PCDH9: variants seen among roughly 807,000 people sequenced by gnomAD.
The protein encoded by PCDH9 is protocadherin 9.
PCDH9 carries 24 observed loss-of-function variants against 70.6 expected under a neutral mutation model. The observed-to-expected ratio is 0.34, with a 90% CI of 0.25 to 0.48. The LOEUF (loss-of-function observed/expected upper bound fraction) is 0.48. PCDH9 is among the 20% of genes least tolerant of loss of function. The probability of loss-of-function intolerance (pLI) is 0.99; values close to 1 mark genes in which losing one functional copy is unlikely to be tolerated. For synonymous variants in PCDH9, 562 were observed against 558.5 expected (o/e 1.01, Z -0.09); for missense variants, 1,281 against 1,503.6 (o/e 0.85, Z 2.45).
Position 67,140,015 on chromosome 13 carries a change from T to C in PCDH9, c.3036+85390A>G, listed in dbSNP as rs540144971. Among the ~76,000 whole-genome samples, 294 of 136,292 alleles carry C rather than the reference T, an allele frequency of 2.2e-3. 4 individuals are homozygous for C. The highest frequency in any genetic ancestry group is 3.0e-3 in the Non-Finnish European group (192 of 63,846). 89.4% of individuals were successfully genotyped at this position (136,292 alleles called of 152,430 possible). On this transcript the variant is annotated intron_variant, in intron 2 of 4. Transcript: ENST00000377865. ...TTCCCTTCTGCTACTGAAAATGTGA[T>C]TTTTTGATCACCCCCCCCCCCCCGC... is the stretch of plus-strand genomic sequence containing the variant.
chr13:66,755,425 A>G (rs1250755699), intron 3 of PCDH9, among the ~76,000 whole-genome samples: 2 of 152,162 alleles, frequency 1.3e-5, no homozygotes, highest in African/African-American at 4.8e-5. Context: ...TCGTTGAAAT[A>G]AAGCAGTGGC....
At chr13:66,765,253 C>A (rs747621756) in intron 3 of PCDH9, among the ~76,000 whole-genome samples, 2 of 151,912 alleles carry the variant, frequency 1.3e-5, no homozygotes, top group Admixed American at 6.6e-5. Flanking sequence ...GAATCCTGTA[C>A]AAAACTGGTG....
At chr13:66,764,265 C>G (rs1318805293) in intron 3 of PCDH9, among the ~76,000 whole-genome samples, 2 of 146,986 alleles carry the variant, frequency 1.4e-5, no homozygotes, top group Non-Finnish European at 3.0e-5. Context: ...AAAAAAAAAA[C>G]CGAAAACTTT....
At chr13:66,689,761 C>T (rs2078456247) in intron 3 of PCDH9, among the ~76,000 whole-genome samples, 2 of 152,078 alleles carry the variant, frequency 1.3e-5, no homozygotes, top group African/African-American at 4.8e-5. Flanking sequence ...GCTGAGGGCT[C>T]ATTCTTTATA....
chr13:66,681,519 T>C (rs1004256969), intron 3 of PCDH9, among the ~76,000 whole-genome samples: 1 of 152,102 alleles, frequency 6.6e-6, no homozygotes, highest in Non-Finnish European at 1.5e-5. Flanking sequence ...CTGTATTGTC[T>C]GAGCTATAAT....
intron 4 of PCDH9, among the ~76,000 whole-genome samples, chr13:66,496,398 A>G (rs1566370204): frequency 6.6e-6 from 1 of 152,130 alleles, no homozygotes; most frequent in African/African-American, 2.4e-5. Flanking sequence ...CTAAAGTTCC[A>G]TCCTTCCATT....
chr13:66,340,539 T>G (rs1377448850), intron 4 of PCDH9, among the ~76,000 whole-genome samples: 1 of 152,214 alleles, frequency 6.6e-6, no homozygotes, highest in African/African-American at 2.4e-5. Flanking sequence ...CAGTGACAGC[T>G]AAACCCTCTC....
At chr13:66,662,234 G>T (rs2078019668) in intron 3 of PCDH9, among the ~76,000 whole-genome samples, 1 of 151,840 alleles carries the variant, frequency 6.6e-6, no homozygotes, top group African/African-American at 2.4e-5. Flanking sequence ...GCACTTTGGG[G>T]GGCTGAGGCG....
chr13:66,684,610 G>T (rs1184238008), intron 3 of PCDH9, among the ~76,000 whole-genome samples: 1 of 152,090 alleles, frequency 6.6e-6, no homozygotes, highest in Non-Finnish European at 1.5e-5. Flanking sequence ...AGTAGGATGT[G>T]TTTGCCTTCC....
intron 3 of PCDH9, among the ~76,000 whole-genome samples, chr13:66,873,940 CTT>C (rs528441546): frequency 4.5e-5 from 5 of 111,132 alleles, no homozygotes; most frequent in South Asian, 3.0e-4. Context: ...TTCTTTCTTT[CTT>C]TTTTTTTTTT....
intron 3 of PCDH9, among the ~76,000 whole-genome samples, chr13:66,758,680 C>G (rs6562474): frequency 0.37 from 56,621 of 151,622 alleles, 10,839 homozygotes; most frequent in East Asian, 0.58. Context: ...TATATGAAAG[C>G]GTTTGAGAAT....
At chr13:66,603,807 A>G (rs1003797685) in intron 4 of PCDH9, among the ~76,000 whole-genome samples, 2 of 151,962 alleles carry the variant, frequency 1.3e-5, no homozygotes, top group African/African-American at 4.8e-5. Flanking sequence ...TTTGTTATGT[A>G]ATTATGCAGT....
At chr13:66,687,046 G>A (rs1057441415) in intron 3 of PCDH9, among the ~76,000 whole-genome samples, 1 of 152,070 alleles carries the variant, frequency 6.6e-6, no homozygotes, top group African/African-American at 2.4e-5. Flanking sequence ...ATAGTTTTGG[G>A]AACTGCAAAG....
intron 2 of PCDH9, among the ~76,000 whole-genome samples, chr13:67,016,607 G>A (rs1666622317): frequency 6.6e-6 from 1 of 152,108 alleles, no homozygotes; most frequent in Non-Finnish European, 1.5e-5. Flanking sequence ...TGAACTTCTT[G>A]AAAATGAGTT....
At chr13:66,998,833 T>C (rs555205045) in intron 2 of PCDH9, among the ~76,000 whole-genome samples, 7 of 152,324 alleles carry the variant, frequency 4.6e-5, no homozygotes, top group African/African-American at 1.7e-4. Flanking sequence ...TGTTCTTCAA[T>C]TCATTCTTTC....
At chr13:66,438,740 A>G (rs764469472) in intron 4 of PCDH9, among the ~76,000 whole-genome samples, 3 of 152,208 alleles carry the variant, frequency 2.0e-5, no homozygotes, top group Non-Finnish European at 4.4e-5. Flanking sequence ...GGTCTAAAAT[A>G]TAGAAAATGA....
At chr13:67,130,517 T>G (rs2087086561) in intron 2 of PCDH9, among the ~76,000 whole-genome samples, 1 of 150,124 alleles carries the variant, frequency 6.7e-6, no homozygotes, top group African/African-American at 2.5e-5. Context: ...AAGTGAAACA[T>G]TTCACAGGGG....
intron 2 of PCDH9, among the ~76,000 whole-genome samples, chr13:66,904,252 G>A (rs1707726116): frequency 6.6e-6 from 1 of 151,960 alleles, no homozygotes; most frequent in Non-Finnish European, 1.5e-5. Context: ...AAATTGACAT[G>A]AATTATAGAA....
intron 2 of PCDH9, among the ~76,000 whole-genome samples, chr13:67,103,326 T>C (rs9540997): frequency 0.12 from 18,497 of 152,216 alleles, 1,197 homozygotes; most frequent in African/African-American, 0.15. Context: ...TTAATCAATG[T>C]GATGATCTAC....
Sources: allele counts gnomAD v4.1 joint callset (sites outside exome capture counted in the v4.1 genomes callset), GRCh38; gene constraint gnomAD v4.1.1; transcripts MANE v1.5; gene names NCBI Gene and HGNC (gene_info 2026-07-23, HGNC 2026-07-21).